DNM3: variants seen among roughly 807,000 people sequenced by gnomAD.
DNM3 encodes dynamin 3, also known as dynamin-3.
Under a neutral mutation model 101.6 loss-of-function variants are expected in DNM3, and 47 were observed. The ratio of observed to expected loss-of-function variants is 0.46; its 90% CI spans 0.37 to 0.59. DNM3 has a LOEUF of 0.59. DNM3 is among the 20% of genes least tolerant of loss of function. DNM3 has a pLI of 0.00. For missense variants in DNM3, 849 were observed against 1,085.7 expected (o/e 0.78, Z 3.06); for synonymous variants, 385 against 387.9 (o/e 0.99, Z 0.09).
intron 14 of DNM3, among the ~76,000 whole-genome samples, chr1:172,169,858 A>G (rs1336061564): frequency 1.3e-5 from 2 of 151,914 alleles, no homozygotes; most frequent in African/African-American, 4.8e-5. Context: ...TGAACTATCC[A>G]TAATTTTGTT....
intron 15 of DNM3, among the ~76,000 whole-genome samples, chr1:172,279,521 C>A (rs193194401): frequency 6.6e-6 from 1 of 152,162 alleles, no homozygotes; most frequent in East Asian, 1.9e-4. Flanking sequence ...ATGCTGTTGA[C>A]CCTAAAGGTA....
In DNM3 at chr1:172,048,816, C is replaced by A. The variant is rs1350546742; in HGVS notation, c.1335+66C>A. The A allele has an allele frequency of 5.2e-6, 8 of 1,544,148 alleles. No homozygotes were observed. In the East Asian group the frequency reaches 1.6e-4, roughly 31 times the overall value. On this transcript the variant is annotated intron_variant, in intron 10 of 20. Coordinates refer to ENST00000627582, the MANE Select transcript of DNM3 (RefSeq NM_015569.5). ...TTTATCAACATTCCCTATCTCATTG[C>A]ATGATTCTCTTTCCCTGACCCTCAC...
rs780034611 is a variant in DNM3, at chr1:171,921,769, G to A, written c.183G>A (p.Ser61=). Residue 61 remains serine (S), a synonymous_variant, in exon 2 of 21, where the codon TCG becomes TCA. Transcript: ENST00000627582. ...TTAGGGACTTTCTCCCTCGAGGGTC[G>A]GGCATTGTAACAAGACGACCTCTTG... is the stretch of plus-strand genomic sequence containing the variant. The part of the protein sequence containing the change: ...FVGRDFLPRG[S]GIVTRRPLVL... 5.0e-6 allele frequency: 8 copies of A among 1,598,480 alleles called. No homozygotes were observed. The highest frequency in any genetic ancestry group is 4.0e-5 in the African/African-American group (3 of 74,738).
At chr1:172,185,767 T>A (rs756594995) in intron 14 of DNM3, among the ~76,000 whole-genome samples, 3 of 152,148 alleles carry the variant, frequency 2.0e-5, no homozygotes, top group Admixed American at 6.6e-5. Flanking sequence ...GTCAACTAAG[T>A]TTATTTCATA....
chr1:172,105,094 C>T (rs1057237283), intron 13 of DNM3, among the ~76,000 whole-genome samples: 21 of 152,086 alleles, frequency 1.4e-4, no homozygotes, highest in Non-Finnish European at 8.8e-5. Flanking sequence ...TATTTTATTC[C>T]AAAGGGGCTA....
At chr1:171,841,955 G>A in intron 1 of DNM3, 138 bp downstream of exon 1, 2 of 1,101,040 alleles carry the variant, frequency 1.8e-6, no homozygotes, top group Non-Finnish European at 2.5e-6. Flanking sequence ...AGTGGAATGG[G>A]GGGCAGAGTG....
intron 13 of DNM3, among the ~76,000 whole-genome samples, chr1:172,098,087 G>T (rs2054371800): frequency 6.6e-6 from 1 of 152,150 alleles, no homozygotes; most frequent in African/African-American, 2.4e-5. Flanking sequence ...CATTGTCATT[G>T]ATAACATCAG....
intron 15 of DNM3, among the ~76,000 whole-genome samples, chr1:172,267,215 C>T (rs1293413631): frequency 6.6e-6 from 1 of 152,222 alleles, no homozygotes; most frequent in African/African-American, 2.4e-5. Context: ...TTATTCATTG[C>T]TGTATCCCCA....
intron 14 of DNM3, among the ~76,000 whole-genome samples, chr1:172,185,618 A>G (rs1437061177): frequency 6.6e-6 from 1 of 152,118 alleles, no homozygotes; most frequent in Non-Finnish European, 1.5e-5. Flanking sequence ...CCTAAACAGA[A>G]GATTTTTAAT....
intron 8 of DNM3, among the ~76,000 whole-genome samples, chr1:172,044,013 C>G (rs1429398814): frequency 2.0e-5 from 3 of 152,196 alleles, no homozygotes; most frequent in Non-Finnish European, 4.4e-5. Context: ...TGTACTGCTA[C>G]TGCACAGCAG....
At chr1:171,910,598 C>T (rs896422921) in intron 1 of DNM3, among the ~76,000 whole-genome samples, 1 of 152,156 alleles carries the variant, frequency 6.6e-6, no homozygotes, top group Non-Finnish European at 1.5e-5. Flanking sequence ...AAGAGATAAT[C>T]ACTACTTGTT....
chr1:172,052,963 G>A (rs1317484214), intron 10 of DNM3, among the ~76,000 whole-genome samples: 2 of 152,132 alleles, frequency 1.3e-5, no homozygotes, highest in East Asian at 3.9e-4. Context: ...TTTTAAGCCT[G>A]AATTATTCCA....
chr1:172,005,045 C>T lies in DNM3; in HGVS notation c.589+15897C>T, dbSNP rs528861278. On this transcript the variant is annotated intron_variant, in intron 4 of 20. Transcript: ENST00000627582. ...AACATATAAAAATTACATTTTAAAA[C>T]AGTACAGCCCCCAGTGGTTAATAGC... Among the ~76,000 whole-genome samples, 421 of 152,172 alleles carry T rather than the reference C, an allele frequency of 2.8e-3. 3 individuals carry two copies. Among genetic ancestry groups the T allele is most frequent in the African/African-American group, 9.5e-3 (395 of 41,550 alleles).
At chr1:172,128,417 C>T (rs531239672) in intron 13 of DNM3, among the ~76,000 whole-genome samples, 9 of 152,014 alleles carry the variant, frequency 5.9e-5, no homozygotes, top group East Asian at 1.9e-4. Flanking sequence ...TTGGTAGCTG[C>T]GATAGTTTCA....
At chr1:171,999,648 C>G (rs2046239293) in intron 4 of DNM3, among the ~76,000 whole-genome samples, 1 of 152,072 alleles carries the variant, frequency 6.6e-6, no homozygotes, top group East Asian at 1.9e-4. Flanking sequence ...CCATCCCATA[C>G]CTGTGAATAT....
chr1:172,379,491 C>T (rs530006105), intron 18 of DNM3, among the ~76,000 whole-genome samples: 1 of 152,066 alleles, frequency 6.6e-6, no homozygotes, highest in South Asian at 2.1e-4. Context: ...AATTGCAAAA[C>T]CAGCAAAGAA....
At chr1:172,269,953 G>A (rs139664660) in intron 15 of DNM3, among the ~76,000 whole-genome samples, 11 of 152,188 alleles carry the variant, frequency 7.2e-5, no homozygotes, top group Admixed American at 2.0e-4. Context: ...CTCTTTGGCC[G>A]TCTTAGAGGC....
chr1:172,223,680 C>T (rs2060997665), intron 14 of DNM3, among the ~76,000 whole-genome samples: 1 of 152,134 alleles, frequency 6.6e-6, no homozygotes, highest in South Asian at 2.1e-4. Context: ...CATTCAATCT[C>T]TGTTTTACCT....
chr1:171,978,270 A>C (rs2044529218), intron 2 of DNM3, among the ~76,000 whole-genome samples: 4 of 152,180 alleles, frequency 2.6e-5, no homozygotes, highest in Admixed American at 1.3e-4. Flanking sequence ...ATGTAATAGG[A>C]TGTGATTAAG....
Sources: allele counts gnomAD v4.1 joint callset (sites outside exome capture counted in the v4.1 genomes callset), GRCh38; gene constraint gnomAD v4.1.1; transcripts MANE v1.5; gene names NCBI Gene and HGNC (gene_info 2026-07-23, HGNC 2026-07-21).